Variants in HS6ST3 observed in about 807,000 individuals in gnomAD.
HS6ST3 encodes heparan-sulfate 6-O-sulfotransferase 3.
A neutral mutation model predicts 36.7 loss-of-function variants in HS6ST3; 12 were observed. That is an observed-to-expected ratio of 0.33 (90% CI 0.21 to 0.53). The LOEUF (loss-of-function observed/expected upper bound fraction) is 0.53. Ranked by LOEUF, HS6ST3 falls within the 20% of genes least tolerant of loss-of-function variation. The probability of loss-of-function intolerance (pLI) is 0.95; values close to 1 mark genes in which losing one functional copy is unlikely to be tolerated. For missense variants in HS6ST3, 584 were observed against 640.9 expected (o/e 0.91, Z 0.96); for synonymous variants, 240 against 257.5 (o/e 0.93, Z 0.65).
chr13:96,831,980 A>AAAC lies in HS6ST3; in HGVS notation c.708-510_708-509insAAC, dbSNP rs1339637754. 6.1e-4 allele frequency among the ~76,000 whole-genome samples: 86 copies of AAAC among 142,000 alleles called. 1 individual carries two copies. Among genetic ancestry groups the AAAC allele is most frequent in the African/African-American group, 2.2e-3 (85 of 38,442 alleles). 93.2% of individuals were successfully genotyped at this position (142,000 alleles called of 152,430 possible). Reference sequence around the variant, plus strand: ...AAAAAAAAAAAAAAAAAAAAAAAAAACAGAGATTAAGGAGAATACATGTTC... The same window carrying AAAC: ...AAAAAAAAAAAAAAAAAAAAAAAAAAAACCAGAGATTAAGGAGAATACATGTTC... On this transcript the variant is annotated intron_variant, in intron 1 of 1. Coordinates refer to ENST00000376705, the MANE Select transcript of HS6ST3 (RefSeq NM_153456.4).
At chr13:96,669,116 G>A (rs2056674918) in intron 1 of HS6ST3, among the ~76,000 whole-genome samples, 1 of 152,084 alleles carries the variant, frequency 6.6e-6, no homozygotes, top group South Asian at 2.1e-4. Flanking sequence ...AAACTTGAAG[G>A]GCACTGTGTA....
At chr13:96,188,848 A>T (rs894599035) in intron 1 of HS6ST3, among the ~76,000 whole-genome samples, 1 of 152,208 alleles carries the variant, frequency 6.6e-6, no homozygotes, top group Non-Finnish European at 1.5e-5. Context: ...AGATGTGAAT[A>T]TGAGTATCTA....
At chr13:96,512,145 A>G (rs559986255) in intron 1 of HS6ST3, among the ~76,000 whole-genome samples, 1 of 152,338 alleles carries the variant, frequency 6.6e-6, no homozygotes, top group East Asian at 1.9e-4. Context: ...ACTGTGTTGA[A>G]CAGGAGTGGT....
intron 1 of HS6ST3, among the ~76,000 whole-genome samples, chr13:96,120,476 A>G (rs2053919918): frequency 1.3e-5 from 2 of 152,206 alleles, no homozygotes; most frequent in South Asian, 2.1e-4. Context: ...GCTCTGTCCT[A>G]TTATCTAAAA....
chr13:96,227,946 T>G (rs540859411), intron 1 of HS6ST3, among the ~76,000 whole-genome samples: 5 of 152,294 alleles, frequency 3.3e-5, no homozygotes, highest in African/African-American at 1.2e-4. Context: ...TTTCTCTTTT[T>G]ATCTCTACTT....
intron 1 of HS6ST3, among the ~76,000 whole-genome samples, chr13:96,597,182 C>G (rs2056404735): frequency 6.6e-6 from 1 of 151,938 alleles, no homozygotes; most frequent in Admixed American, 6.6e-5. Flanking sequence ...ACACTGGAGC[C>G]TACTGGAGGG....
At chr13:96,626,367 T>C (rs2056512438) in intron 1 of HS6ST3, among the ~76,000 whole-genome samples, 1 of 152,332 alleles carries the variant, frequency 6.6e-6, no homozygotes, top group South Asian at 2.1e-4. Flanking sequence ...GTACTACTTA[T>C]TGAAAAATCT....
At chr13:96,327,527 C>T (rs1435752793) in intron 1 of HS6ST3, among the ~76,000 whole-genome samples, 2 of 151,962 alleles carry the variant, frequency 1.3e-5, no homozygotes, top group Non-Finnish European at 2.9e-5. Flanking sequence ...CTGTTCTGTT[C>T]CATTGATCTA....
chr13:96,146,730 G>A (rs182203971), intron 1 of HS6ST3, among the ~76,000 whole-genome samples: 6 of 152,232 alleles, frequency 3.9e-5, no homozygotes, highest in Non-Finnish European at 5.9e-5. Context: ...TCGTATGTAG[G>A]TATGGTCACT....
chr13:96,376,654 A>G (rs953360458), intron 1 of HS6ST3, among the ~76,000 whole-genome samples: 6 of 152,188 alleles, frequency 3.9e-5, no homozygotes, highest in African/African-American at 1.4e-4. Flanking sequence ...GCAGTAAGTT[A>G]CTTAGTCTTT....
At chr13:96,233,743 G>A (rs559798246) in intron 1 of HS6ST3, among the ~76,000 whole-genome samples, 80 of 152,296 alleles carry the variant, frequency 5.3e-4, no homozygotes, top group African/African-American at 1.9e-3. Context: ...AGGGAATGTG[G>A]AGAGGTTGGG....
intron 1 of HS6ST3, among the ~76,000 whole-genome samples, chr13:96,346,006 A>G (rs771440900): frequency 2.6e-5 from 4 of 152,092 alleles, no homozygotes; most frequent in Non-Finnish European, 5.9e-5. Flanking sequence ...GATCCCTAAC[A>G]TGTGCAGTTC....
chr13:96,652,067 C>A (rs2056609461), intron 1 of HS6ST3, among the ~76,000 whole-genome samples: 1 of 151,862 alleles, frequency 6.6e-6, no homozygotes, highest in African/African-American at 2.4e-5. Flanking sequence ...TTGTATTAAA[C>A]TTCTATTATA....
intron 1 of HS6ST3, among the ~76,000 whole-genome samples, chr13:96,829,621 G>C (rs1878728733): frequency 6.6e-6 from 1 of 152,054 alleles, no homozygotes; most frequent in African/African-American, 2.4e-5. Flanking sequence ...AAGGATAATG[G>C]CCTCCAACTC....
chr13:96,531,939 C>T (rs1475230773), intron 1 of HS6ST3, among the ~76,000 whole-genome samples: 1 of 152,166 alleles, frequency 6.6e-6, no homozygotes, highest in Non-Finnish European at 1.5e-5. Context: ...AAAACAACCT[C>T]GATTTGAGGC....
intron 1 of HS6ST3, among the ~76,000 whole-genome samples, chr13:96,821,409 G>C (rs538877257): frequency 6.6e-6 from 1 of 152,188 alleles, no homozygotes; most frequent in Non-Finnish European, 1.5e-5. Flanking sequence ...TTCCAAGACA[G>C]CCTGATTTTT....
intron 1 of HS6ST3, among the ~76,000 whole-genome samples, chr13:96,577,539 T>C (rs747154226): frequency 2.6e-5 from 4 of 152,212 alleles, no homozygotes; most frequent in African/African-American, 7.2e-5. Flanking sequence ...TACCCAGTAA[T>C]GGGATTGCTG....
chr13:96,361,679 A>C (rs2055239142), intron 1 of HS6ST3, among the ~76,000 whole-genome samples: 1 of 152,168 alleles, frequency 6.6e-6, no homozygotes, highest in Admixed American at 6.5e-5. Context: ...GCAAGTGAAA[A>C]ACCAGTGGTA....
At chr13:96,399,963 CAA>C (rs2139456623) in intron 1 of HS6ST3, among the ~76,000 whole-genome samples, 1 of 152,206 alleles carries the variant, frequency 6.6e-6, no homozygotes, top group Non-Finnish European at 1.5e-5. Context: ...CTCCAGAACC[CAA>C]AGTTTTTTTT....
Sources: allele counts gnomAD v4.1 joint callset (sites outside exome capture counted in the v4.1 genomes callset), GRCh38; gene constraint gnomAD v4.1.1; transcripts MANE v1.5; gene names NCBI Gene and HGNC (gene_info 2026-07-23, HGNC 2026-07-21).